The following BTN2A2 variants were observed in gnomAD, a reference collection of about 807,000 sequenced individuals.
BTN2A2 encodes butyrophilin subfamily 2 member A2.
BTN2A2 carries 29 observed loss-of-function variants against 34.7 expected under a neutral mutation model. The ratio of observed to expected loss-of-function variants is 0.84; its 90% CI spans 0.62 to 1.14. The LOEUF (loss-of-function observed/expected upper bound fraction) is 1.14. BTN2A2 is among the 50% of genes most tolerant of loss of function. The pLI is 0.00. For missense variants in BTN2A2, 612 were observed against 651.5 expected (o/e 0.94, Z 0.66); for synonymous variants, 240 against 253.1 (o/e 0.95, Z 0.49).
At chr6:26,389,432 A>G (rs1761427675) in intron 4 of BTN2A2, among the ~76,000 whole-genome samples, 1 of 152,176 alleles carries the variant, frequency 6.6e-6, no homozygotes, top group Admixed American at 6.5e-5. Context: ...CTTGTCTGGC[A>G]GTTTCCAGGA....
Position 26,393,863 on chromosome 6 carries a change from C to G in BTN2A2, c.*896C>G, listed in dbSNP as rs1017880547. ...ATATTTATGACATTTGACATTGAAACAAAAATTTAAAATGTTATCTTTTAA... is the reference window on the plus strand; with the variant it reads ...ATATTTATGACATTTGACATTGAAAGAAAAATTTAAAATGTTATCTTTTAA... On this transcript the variant is annotated 3_prime_UTR_variant, in exon 8 of 8. Transcript: ENST00000356709. 1.5e-6 allele frequency: 1 copy of G among 647,468 alleles called. No individual in the cohort carries two copies. The highest frequency in any genetic ancestry group is 1.4e-4 in the East Asian group (1 of 7,394). The allele number at this position is 647,468 out of a possible 1,614,324, so 40.1% of individuals were successfully genotyped here. A position where few individuals can be genotyped will look rare whatever the true frequency, so the allele number is the denominator to read the frequency against.
chr6:26,391,921 A>G (rs1012659380), intron 7 of BTN2A2: 11 of 410,928 alleles, frequency 2.7e-5, no homozygotes, highest in African/African-American at 2.2e-4. Context: ...CACCTAGGAC[A>G]GTGTGTAATG....
In BTN2A2 at chr6:26,390,162, G is replaced by T. The variant is rs1216152311; in HGVS notation, c.882G>T (p.Lys294Asn). ...TCAAGAAACTTCAAAGGGAAAAAAA[G>T]ATTCTGTCAGGGGAAAAGAAAGTTG... ...CCIKKLQREK[K>N]ILSGEKKVEQ... The change falls in exon 5 of 8, where the codon AAG (lysine) becomes AAT (asparagine). Residue 294 changes from lysine to asparagine, a missense_variant. Lys to Asn is a moderately conservative substitution (Grantham distance 94). Transcript: ENST00000356709. 1 of 1,614,160 alleles carries T rather than the reference G, an allele frequency of 6.2e-7. No homozygotes were observed. Among genetic ancestry groups the T allele is most frequent in the South Asian group, 1.1e-5 (1 of 91,078 alleles).
At position 26,383,939 on chromosome 6, in the gene BTN2A2, C is replaced by G. The variant is rs1339383536; in HGVS notation, c.94+24C>G. 1 of 1,601,480 alleles carries G rather than the reference C, an allele frequency of 6.2e-7. No individual in the cohort carries two copies. Among genetic ancestry groups the G allele is most frequent in the East Asian group, 2.2e-5 (1 of 44,792 alleles). ...AGGTAGGGATGTGTGTCACTTGCTG[C>G]TGTCACCTCTCAGAAAGGAACATCA... On this transcript the variant is annotated intron_variant, in intron 2 of 7. Coordinates refer to ENST00000356709, the MANE Select transcript of BTN2A2 (RefSeq NM_006995.5). The surrounding 1 kb of genome is among the most constrained non-coding windows in gnomAD (Gnocchi z 4.4).
In BTN2A2 at chr6:26,393,122, C is replaced by T. The variant is rs549526072; in HGVS notation, c.*155C>T. 10 of 1,607,318 alleles carry T rather than the reference C, an allele frequency of 6.2e-6. No homozygotes were observed. The African/African-American group carries it at 1.3e-4, about 21-fold the overall frequency. ...TTTTCACACCCACTCCAGCCCTCTG[C>T]CCCAGTTTTCTCCTCCTCACTAGTC... On this transcript the variant is annotated 3_prime_UTR_variant, in exon 8 of 8. Coordinates refer to ENST00000356709, the MANE Select transcript of BTN2A2 (RefSeq NM_006995.5).
intron 4 of BTN2A2, among the ~76,000 whole-genome samples, chr6:26,389,489 A>G (rs2113756030): frequency 6.6e-6 from 1 of 152,272 alleles, no homozygotes; most frequent in East Asian, 1.9e-4. Flanking sequence ...TGAGTTCAGG[A>G]AGTAGGGGGA....
rs1342438372 is a variant in BTN2A2, at chr6:26,392,610, G to A, written c.1215G>A (p.Arg405=). 2 of 1,614,226 alleles carry A rather than the reference G, an allele frequency of 1.2e-6. No individual in the cohort carries two copies. The highest frequency in any genetic ancestry group is 1.3e-5 in the African/African-American group (1 of 75,064). The change falls in exon 8 of 8, where the codon AGG becomes AGA. Residue 405 remains arginine (R), a synonymous_variant. Coordinates refer to ENST00000356709, the MANE Select transcript of BTN2A2 (RefSeq NM_006995.5). ...TVGVCRHSVE[R]KGEVLLIPQN... ...GGGTCTGCAGACACAGTGTTGAGAG[G>A]AAAGGGGAGGTCCTGCTGATTCCTC...
chr6:26,385,511 C>T, intron 3 of BTN2A2, 149 bp downstream of exon 3: 3 of 723,368 alleles, frequency 4.1e-6, no homozygotes, highest in African/African-American at 1.8e-5. Flanking sequence ...GCACAAAGGC[C>T]ACATGAGTGG....
At chr6:26,387,775 G>T (rs1761298879) in intron 3 of BTN2A2, among the ~76,000 whole-genome samples, 1 of 152,154 alleles carries the variant, frequency 6.6e-6, no homozygotes, top group Non-Finnish European at 1.5e-5. Context: ...AGAATAAATT[G>T]CACAGCAAGC....
intron 5 of BTN2A2, 192 bp downstream of exon 5, chr6:26,390,403 T>C: frequency 1.4e-6 from 1 of 694,438 alleles, no homozygotes; most frequent in Non-Finnish European, 2.4e-6. Flanking sequence ...AAGTAATCAT[T>C]CAGAGCTTTC....
chr6:26,387,112 G>T (rs548863790), intron 3 of BTN2A2, among the ~76,000 whole-genome samples: 2 of 152,296 alleles, frequency 1.3e-5, no homozygotes, highest in East Asian at 1.9e-4. Flanking sequence ...AGTAAAGATA[G>T]AATATATTTA....
chr6:26,388,278 T>A lies in BTN2A2; in HGVS notation c.708T>A (p.Thr236=), dbSNP rs1192945497. Residue 236 remains threonine, a synonymous_variant, in exon 4 of 8, where the codon ACT becomes ACA. Transcript: ENST00000356709. The part of the protein sequence containing the change: ...NNTLLGQEKE[T]VIFIPESFMP... ...CCCTGCTCGGCCAGGAGAAGGAAACTGTCATTTTTATTCCAGGTTAGTTCT... is the reference window on the plus strand; with the variant it reads ...CCCTGCTCGGCCAGGAGAAGGAAACAGTCATTTTTATTCCAGGTTAGTTCT... 1 of 1,614,082 alleles carries A rather than the reference T, an allele frequency of 6.2e-7. No individual in the cohort carries two copies. Among genetic ancestry groups the A allele is most frequent in the Admixed American group, 1.7e-5 (1 of 60,014 alleles).
In BTN2A2 at chr6:26,393,263, C is replaced by A; in HGVS notation, c.*296C>A. The A allele has an allele frequency of 7.1e-7, 1 of 1,418,092 alleles. No homozygotes were observed. The highest frequency in any genetic ancestry group is 1.4e-5 in the South Asian group (1 of 72,220). 87.8% of individuals were successfully genotyped at this position (1,418,092 alleles called of 1,614,324 possible). On this transcript the variant is annotated 3_prime_UTR_variant, in exon 8 of 8. Coordinates refer to ENST00000356709, the MANE Select transcript of BTN2A2 (RefSeq NM_006995.5). ...GTGAGAGAAGCTGTTGGGCAGCGAA[C>A]CTACTGTTTAAAATCAGGATAACCA...
intron 3 of BTN2A2, among the ~76,000 whole-genome samples, chr6:26,387,513 C>T (rs1761277269): frequency 6.7e-6 from 1 of 149,366 alleles, no homozygotes. Context: ...GGTGAATTGC[C>T]TTAGCTCAGG....
chr6:26,389,865 A>T, intron 4 of BTN2A2, 140 bp from the exon 5 acceptor site: 1 of 797,396 alleles, frequency 1.3e-6, no homozygotes, highest in Non-Finnish European at 2.0e-6. Context: ...TTGAGCCAGC[A>T]TCGCTTTCTC....
chr6:26,390,609 T>C, intron 5 of BTN2A2, 78 bp from the exon 6 acceptor site: 1 of 1,584,496 alleles, frequency 6.3e-7, no homozygotes, highest in Non-Finnish European at 8.7e-7. Context: ...GGATGGTTCC[T>C]ACGTTGTTTA....
Position 26,392,385 on chromosome 6 carries a change from C to A in BTN2A2, c.990C>A (p.Val330=), listed in dbSNP as rs368319822. Residue 330 remains valine, a synonymous_variant, in exon 8 of 8, where the codon GTC becomes GTA. Transcript: ENST00000356709. ...AGACTTCCTCTGCAGCTGATGTGGT[C>A]CTGGATCCAGACACCGCTCATCCCG... ...RRTFLHAADV[V]LDPDTAHPEL... The A allele has an allele frequency of 5.6e-6, 9 of 1,614,138 alleles. No individual in the cohort carries two copies. The African/African-American group carries it at 1.1e-4, about 19-fold the overall frequency.
At chr6:26,392,318 C>T (rs777349134) in intron 7 of BTN2A2, 57 bp from the exon 8 acceptor site, 6 of 1,613,588 alleles carry the variant, frequency 3.7e-6, no homozygotes, top group Admixed American at 1.7e-5. Context: ...GACCAGGAAC[C>T]ACACAATCCC....
At chr6:26,390,394 A>G in intron 5 of BTN2A2, 183 bp downstream of exon 5, 1 of 704,974 alleles carries the variant, frequency 1.4e-6, no homozygotes. Context: ...TGTCATAAGA[A>G]GTAATCATTC....
Sources: gnomAD v4.1 joint callset for allele counts (sites outside exome capture counted in the v4.1 genomes callset) on GRCh38, gnomAD v4.1.1 for gene constraint, Gnocchi (gnomAD v3.1) non-coding constraint, MANE v1.5 for transcripts, NCBI Gene and HGNC (gene_info 2026-07-23, HGNC 2026-07-21) for gene names.